VGLL4: variants seen among roughly 807,000 people sequenced by gnomAD.
The protein encoded by VGLL4 is transcription cofactor vestigial-like protein 4.
Under a neutral mutation model 21.0 loss-of-function variants are expected in VGLL4, and 7 were observed. That is an observed-to-expected ratio of 0.33 (90% CI 0.19 to 0.63). The LOEUF is 0.63. Ranked by LOEUF, VGLL4 falls within the 20% of genes least tolerant of loss-of-function variation. VGLL4 has a pLI of 0.78. For synonymous variants in VGLL4, 222 were observed against 173.2 expected (o/e 1.28, Z -2.21); for missense variants, 394 against 425.7 (o/e 0.93, Z 0.66).
intron 2 of VGLL4, among the ~76,000 whole-genome samples, chr3:11,567,658 C>A (rs2073598318): frequency 6.6e-6 from 1 of 152,166 alleles, no homozygotes; most frequent in Non-Finnish European, 1.5e-5. Context: ...GGGTTATGAT[C>A]CCAGACACCG....
intron 2 of VGLL4, among the ~76,000 whole-genome samples, chr3:11,698,778 T>C (rs1181321341): frequency 6.6e-6 from 1 of 152,254 alleles, no homozygotes; most frequent in Non-Finnish European, 1.5e-5. Flanking sequence ...ATTTTAGCTC[T>C]ACAGTGTACT....
At chr3:11,562,031 G>C (rs908607602) in intron 3 of VGLL4, among the ~76,000 whole-genome samples, 3 of 151,612 alleles carry the variant, frequency 2.0e-5, no homozygotes, top group African/African-American at 7.3e-5. Context: ...CCGAGTAGCT[G>C]GGATTACAGG....
At chr3:11,624,223 T>C (rs1347613065) in intron 1 of VGLL4, among the ~76,000 whole-genome samples, 1 of 152,174 alleles carries the variant, frequency 6.6e-6, no homozygotes, top group Non-Finnish European at 1.5e-5. Context: ...GATATGTCAT[T>C]TTAGCGTGCC....
chr3:11,674,966 A>G (rs2076269399), intron 2 of VGLL4, among the ~76,000 whole-genome samples: 1 of 152,234 alleles, frequency 6.6e-6, no homozygotes, highest in Non-Finnish European at 1.5e-5. Context: ...GATGATGTGA[A>G]GTGATACATC....
chr3:11,611,433 A>G (rs1383170137), intron 1 of VGLL4, among the ~76,000 whole-genome samples: 3 of 152,222 alleles, frequency 2.0e-5, no homozygotes, highest in African/African-American at 7.2e-5. Flanking sequence ...AAGCCCGCTG[A>G]GTCTTTGATC....
At chr3:11,636,757 T>C (rs2075595828) in intron 1 of VGLL4, among the ~76,000 whole-genome samples, 1 of 152,084 alleles carries the variant, frequency 6.6e-6, no homozygotes. Context: ...CCAAGGATGG[T>C]GGGAGGGCTT....
At chr3:11,642,190 C>A (rs1430217293) in intron 1 of VGLL4, among the ~76,000 whole-genome samples, 1 of 151,972 alleles carries the variant, frequency 6.6e-6, no homozygotes, top group Admixed American at 6.6e-5. Flanking sequence ...AAGAAATTCA[C>A]GAAAATTCTC....
At chr3:11,585,015 C>T (rs1224538014) in intron 2 of VGLL4, among the ~76,000 whole-genome samples, 2 of 152,168 alleles carry the variant, frequency 1.3e-5, no homozygotes, top group African/African-American at 4.8e-5. Context: ...CCAATCACTG[C>T]TCCATTAAGG....
rs115948446 is a variant in VGLL4 at position 11,589,679 on chromosome 3, A to C, written c.272+12154T>G. ...CTTAAACAGACGTTTGTTTTCTCAC[A>C]GTCCTGAAGGCTGGCAGTCTGAGAT... is the stretch of plus-strand genomic sequence containing the variant. On this transcript the variant is annotated intron_variant, in intron 2 of 4. Coordinates refer to ENST00000430365, the MANE Select transcript of VGLL4 (RefSeq NM_001128219.3). Among the ~76,000 whole-genome samples the C allele has an allele frequency of 2.2e-3, 328 of 152,338 alleles. 1 individual carries two copies. Among genetic ancestry groups the C allele is most frequent in the African/African-American group, 7.2e-3 (301 of 41,582 alleles).
At chr3:11,635,112 A>G (rs144652673) in intron 1 of VGLL4, among the ~76,000 whole-genome samples, 56 of 152,316 alleles carry the variant, frequency 3.7e-4, no homozygotes, top group African/African-American at 1.3e-3. Context: ...CCGTGTCTGG[A>G]ACAAATTCAA....
At chr3:11,700,585 C>T (rs2076667781) in intron 2 of VGLL4, among the ~76,000 whole-genome samples, 1 of 152,068 alleles carries the variant, frequency 6.6e-6, no homozygotes, top group Non-Finnish European at 1.5e-5. Flanking sequence ...GTAGGCCTGA[C>T]ACGATGTCCT....
chr3:11,627,009 G>A (rs766151409), intron 1 of VGLL4, among the ~76,000 whole-genome samples: 1 of 152,050 alleles, frequency 6.6e-6, no homozygotes, highest in Non-Finnish European at 1.5e-5. Context: ...ATGCAAACGA[G>A]TGTTATCACT....
At chr3:11,615,851 C>T (rs555275409) in intron 1 of VGLL4, among the ~76,000 whole-genome samples, 6 of 152,324 alleles carry the variant, frequency 3.9e-5, no homozygotes, top group African/African-American at 1.4e-4. Flanking sequence ...GTAGCTTATA[C>T]TCTGCCTGGA....
intron 1 of VGLL4, among the ~76,000 whole-genome samples, chr3:11,639,310 T>C (rs1361979919): frequency 6.6e-6 from 1 of 152,234 alleles, no homozygotes; most frequent in Non-Finnish European, 1.5e-5. Flanking sequence ...CCTCCTCCTC[T>C]GCACAGGCAG....
At chr3:11,676,865 C>T (rs1412830481) in intron 2 of VGLL4, among the ~76,000 whole-genome samples, 2 of 152,082 alleles carry the variant, frequency 1.3e-5, no homozygotes, top group Non-Finnish European at 2.9e-5. Context: ...TATTATGCTG[C>T]CACAGTAGCA....
At chr3:11,707,079 G>C (rs978465907) in intron 1 of VGLL4, among the ~76,000 whole-genome samples, 10 of 152,150 alleles carry the variant, frequency 6.6e-5, no homozygotes, top group African/African-American at 2.2e-4. Flanking sequence ...ACTTTAGGAG[G>C]CTGAAGCAGA....
intron 2 of VGLL4, among the ~76,000 whole-genome samples, chr3:11,696,127 G>C (rs548305802): frequency 1.3e-5 from 2 of 152,214 alleles, no homozygotes; most frequent in African/African-American, 4.8e-5. Flanking sequence ...GAAAGCAAGA[G>C]TACAGTGCTC....
At chr3:11,712,122 A>G (rs2076854734) in intron 1 of VGLL4, among the ~76,000 whole-genome samples, 1 of 152,096 alleles carries the variant, frequency 6.6e-6, no homozygotes, top group South Asian at 2.1e-4. Flanking sequence ...CTCGCACTTT[A>G]CCATCTGTTA....
chr3:11,640,004 A>G (rs1268973088), intron 1 of VGLL4, among the ~76,000 whole-genome samples: 32 of 152,214 alleles, frequency 2.1e-4, no homozygotes, highest in Non-Finnish European at 5.9e-5. Context: ...TCTCTGAAAA[A>G]CAGAGTTTCC....
Sources: allele counts gnomAD v4.1 joint callset (sites outside exome capture counted in the v4.1 genomes callset), GRCh38; gene constraint gnomAD v4.1.1; transcripts MANE v1.5; gene names NCBI Gene and HGNC (gene_info 2026-07-23, HGNC 2026-07-21).